Variants in JMJD1C observed in about 807,000 individuals in gnomAD.
The protein encoded by JMJD1C is jumonji domain-containing protein 1C.
JMJD1C carries 31 observed loss-of-function variants against 245.3 expected under a neutral mutation model. The ratio of observed to expected loss-of-function variants is 0.13; its 90% CI spans 0.09 to 0.17. The LOEUF (loss-of-function observed/expected upper bound fraction) is 0.17, where lower values mean the gene tolerates loss of function less well. JMJD1C is among the 10% of genes least tolerant of loss of function. The pLI, the probability that JMJD1C is intolerant of heterozygous loss-of-function variation, is 1.00. For missense variants in JMJD1C, 2,691 were observed against 3,000.2 expected (o/e 0.90, Z 2.41); for synonymous variants, 1,057 against 1,017.4 (o/e 1.04, Z -0.74).
chr10:63,388,016 A>G (rs528752741), intron 1 of JMJD1C, among the ~76,000 whole-genome samples: 31 of 152,282 alleles, frequency 2.0e-4, no homozygotes, highest in Admixed American at 9.2e-4. Context: ...CAAATTTTCA[A>G]ATTTTTTGTG....
chr10:63,513,065 CTG>C (rs1409547410), intron 1 of JMJD1C, among the ~76,000 whole-genome samples: 1 of 152,152 alleles, frequency 6.6e-6, no homozygotes, highest in Non-Finnish European at 1.5e-5. Context: ...CATTATCCAT[CTG>C]TTCTTGCATA....
At chr10:63,379,370 G>C (rs1214945861) in intron 2 of JMJD1C, among the ~76,000 whole-genome samples, 8 of 152,092 alleles carry the variant, frequency 5.3e-5, no homozygotes, top group African/African-American at 1.9e-4. Context: ...CCAGAAAACA[G>C]CAATAACAAT....
In JMJD1C at chr10:63,231,613, G is replaced by A. The variant is rs143454796; in HGVS notation, c.448-11630C>T. Among the ~76,000 whole-genome samples the A allele has an allele frequency of 2.4e-3, 366 of 152,110 alleles. 3 individuals are homozygous for A. In the South Asian group the frequency reaches 0.029, roughly 12 times the overall value. On this transcript the variant is annotated intron_variant, in intron 3 of 25. Coordinates refer to ENST00000399262, the MANE Select transcript of JMJD1C (RefSeq NM_032776.3). The stretch of plus-strand genomic sequence containing the variant: ...GTTCGAGATCAGCCTGAGCAACATG[G>A]TGAAACTCCGTCTCTACTAAAAACA...
At chr10:63,464,478 G>A (rs1033040002) in intron 1 of JMJD1C, among the ~76,000 whole-genome samples, 2 of 152,062 alleles carry the variant, frequency 1.3e-5, no homozygotes, top group Admixed American at 6.5e-5. Flanking sequence ...CATTGAAAAA[G>A]TAAATGGCTC....
chr10:63,349,226 T>G (rs1944128742), intron 2 of JMJD1C, among the ~76,000 whole-genome samples: 2 of 151,692 alleles, frequency 1.3e-5, no homozygotes, highest in Non-Finnish European at 2.9e-5. Flanking sequence ...GCATCATGCT[T>G]CTTCTACAGT....
At chr10:63,456,635 C>A (rs1235789481) in intron 1 of JMJD1C, among the ~76,000 whole-genome samples, 1 of 152,098 alleles carries the variant, frequency 6.6e-6, no homozygotes, top group Non-Finnish European at 1.5e-5. Flanking sequence ...CAGACCTCTT[C>A]TAGCTTTGAA....
intron 2 of JMJD1C, among the ~76,000 whole-genome samples, chr10:63,375,466 G>T (rs1436265797): frequency 6.6e-6 from 1 of 151,798 alleles, no homozygotes; most frequent in Non-Finnish European, 1.5e-5. Context: ...AAACATAACT[G>T]AGCAAAATTA....
intron 1 of JMJD1C, among the ~76,000 whole-genome samples, chr10:63,512,704 A>G (rs776935837): frequency 2.6e-5 from 4 of 152,074 alleles, no homozygotes; most frequent in Non-Finnish European, 5.9e-5. Flanking sequence ...GTGCTCTCTG[A>G]GCTTCCTGGA....
chr10:63,306,379 C>T (rs1019859776), intron 2 of JMJD1C, among the ~76,000 whole-genome samples: 18 of 152,270 alleles, frequency 1.2e-4, no homozygotes, highest in African/African-American at 4.1e-4. Context: ...CGTGAGCCAC[C>T]GTGCCCAGCC....
chr10:63,183,224 AAAG>A (rs1843702852), intron 22 of JMJD1C, among the ~76,000 whole-genome samples: 1 of 152,360 alleles, frequency 6.6e-6, no homozygotes, highest in African/African-American at 2.4e-5. Context: ...TAATGATAGA[AAAG>A]AAGTTAAAAT....
intron 2 of JMJD1C, chr10:63,301,809 A>G (rs1241474968): frequency 2.4e-6 from 1 of 411,354 alleles, no homozygotes; most frequent in African/African-American, 2.1e-5. Flanking sequence ...CCAGAACTTA[A>G]AAGTAAAATT....
At chr10:63,179,100 T>C (rs2132835661) in intron 22 of JMJD1C, among the ~76,000 whole-genome samples, 1 of 152,212 alleles carries the variant, frequency 6.6e-6, no homozygotes, top group South Asian at 2.1e-4. Flanking sequence ...TAAGTGTCCA[T>C]CCACGGATGA....
chr10:63,239,730 C>T (rs4399232), intron 3 of JMJD1C, among the ~76,000 whole-genome samples: 64,888 of 152,020 alleles, frequency 0.43, 14,482 homozygotes, highest in South Asian at 0.53. Flanking sequence ...TAGGCGTGAG[C>T]CACCGCTCCT....
intron 8 of JMJD1C, 117 bp from the exon 9 acceptor site, chr10:63,209,352 C>CATA: frequency 1.4e-6 from 1 of 700,098 alleles, no homozygotes; most frequent in Non-Finnish European, 2.1e-6. Context: ...ATTCAAATAG[C>CATA]AGTTTCTTTG....
chr10:63,291,807 A>G (rs944558352), intron 2 of JMJD1C, among the ~76,000 whole-genome samples: 11 of 152,056 alleles, frequency 7.2e-5, no homozygotes, highest in African/African-American at 2.7e-4. Flanking sequence ...TTGCTATCCT[A>G]GTCTCTATAA....
In JMJD1C at chr10:63,335,031, T is replaced by TA. The variant is rs71025159; in HGVS notation, c.333+45286dup. 2.6e-4 allele frequency among the ~76,000 whole-genome samples: 35 copies of TA among 136,374 alleles called. 1 individual carries two copies. The highest frequency in any genetic ancestry group is 1.4e-3 in the South Asian group (6 of 4,410). 89.5% of individuals were successfully genotyped at this position (136,374 alleles called of 152,430 possible). A position where few individuals can be genotyped will look rare whatever the true frequency, so the allele number is the denominator to read the frequency against. ...CCAAGACTCTGTCTTTGGAAAAAAA[T>TA]AAAAAAAAAAAAAAATATTGTTCCT... On this transcript the variant is annotated intron_variant, in intron 2 of 25. Transcript: ENST00000399262.
chr10:63,502,636 CAAAAAAAAAAA>C (rs67729776), intron 1 of JMJD1C, among the ~76,000 whole-genome samples: 1 of 66,250 alleles, frequency 1.5e-5, no homozygotes, highest in Non-Finnish European at 3.1e-5. Context: ...GACTTTGTCT[CAAAAAAAAAAA>C]AAAAAAAAAA....
chr10:63,194,206 AT>A, intron 14 of JMJD1C, 79 bp downstream of exon 14: 1 of 880,282 alleles, frequency 1.1e-6, no homozygotes, highest in Non-Finnish European at 1.9e-6. Flanking sequence ...ACCCTGTTAT[AT>A]TTCTAGATAC....
At chr10:63,507,644 C>CAAA (rs34738955) in intron 1 of JMJD1C, among the ~76,000 whole-genome samples, 1,421 of 58,742 alleles carry the variant, frequency 0.024, 227 homozygotes, top group African/African-American at 0.12. Context: ...GACTCTGTCT[C>CAAA]AAAAAAAAAA....
Sources: gnomAD v4.1 joint callset for allele counts (sites outside exome capture counted in the v4.1 genomes callset) on GRCh38, gnomAD v4.1.1 for gene constraint, MANE v1.5 for transcripts, NCBI Gene and HGNC (gene_info 2026-07-23, HGNC 2026-07-21) for gene names.